The following PCDH7 variants were observed in gnomAD, a reference collection of about 807,000 sequenced individuals.
The protein encoded by PCDH7 is protocadherin 7.
A neutral mutation model predicts 58.9 loss-of-function variants in PCDH7; 17 were observed. The observed-to-expected ratio is 0.29, with a 90% confidence interval of 0.20 to 0.43. The LOEUF (loss-of-function observed/expected upper bound fraction) is 0.43. PCDH7 is among the 20% of genes least tolerant of loss of function. The pLI is 1.00. For synonymous variants in PCDH7, 664 were observed against 616.4 expected (o/e 1.08, Z -1.14); for missense variants, 1,274 against 1,441.0 (o/e 0.88, Z 1.88).
At chr4:30,786,120 A>C (rs913982022) in intron 1 of PCDH7, among the ~76,000 whole-genome samples, 2 of 152,094 alleles carry the variant, frequency 1.3e-5, no homozygotes, top group Admixed American at 1.3e-4. Context: ...GTGCTTTTAC[A>C]GTCATGACTT....
intron 1 of PCDH7, among the ~76,000 whole-genome samples, chr4:30,727,782 T>C (rs2109233411): frequency 6.6e-6 from 1 of 152,060 alleles, no homozygotes; most frequent in Admixed American, 6.5e-5. Flanking sequence ...GGTATTTTAC[T>C]ATGTGCTAAG....
chr4:31,122,909 G>T (rs542432443), intron 3 of PCDH7, among the ~76,000 whole-genome samples: 1 of 151,858 alleles, frequency 6.6e-6, no homozygotes, highest in African/African-American at 2.4e-5. Context: ...AGTCACAAAA[G>T]ATTAAGTTTC....
intron 3 of PCDH7, among the ~76,000 whole-genome samples, chr4:31,121,768 C>T (rs566630216): frequency 4.5e-4 from 68 of 152,132 alleles, no homozygotes; most frequent in African/African-American, 1.6e-3. Flanking sequence ...TTTAAAATAA[C>T]CTAATTTAGC....
intron 3 of PCDH7, among the ~76,000 whole-genome samples, chr4:31,041,946 T>C (rs1394568241): frequency 6.6e-6 from 1 of 152,182 alleles, no homozygotes; most frequent in African/African-American, 2.4e-5. Flanking sequence ...GAGAGTTGTG[T>C]GCAACAGGGG....
chr4:30,759,207 G>T (rs1365554236), intron 1 of PCDH7, among the ~76,000 whole-genome samples: 5 of 152,120 alleles, frequency 3.3e-5, no homozygotes, highest in African/African-American at 1.2e-4. Context: ...CTCCCAAAGT[G>T]CTGGGATTAC....
chr4:31,090,402 TC>T lies in PCDH7; in HGVS notation c.*8-52069del, dbSNP rs147149394. ...GATTATCCGTCACCTACGGCATTTA[TC>T]CTTTGTGTTACAAACAATCCAATTA... On this transcript the variant is annotated intron_variant, in intron 3 of 3. Transcript: ENST00000509759. Among the ~76,000 whole-genome samples, 1,393 of 152,094 alleles carry T rather than the reference TC, an allele frequency of 9.2e-3. 16 individuals carry two copies. Among genetic ancestry groups the T allele is most frequent in the South Asian group, 0.052 (251 of 4,824 alleles).
At chr4:31,124,664 T>G (rs1718086440) in intron 3 of PCDH7, among the ~76,000 whole-genome samples, 1 of 152,178 alleles carries the variant, frequency 6.6e-6, no homozygotes, top group African/African-American at 2.4e-5. Context: ...AAACTAAAAT[T>G]TCAGATATTA....
chr4:31,084,905 G>A (rs1188098210), intron 3 of PCDH7, among the ~76,000 whole-genome samples: 1 of 152,050 alleles, frequency 6.6e-6, no homozygotes, highest in Non-Finnish European at 1.5e-5. Flanking sequence ...CGTTCATGAA[G>A]GATCTGCCCC....
chr4:30,833,549 T>G (rs1257861331), intron 1 of PCDH7, among the ~76,000 whole-genome samples: 1 of 152,186 alleles, frequency 6.6e-6, no homozygotes, highest in Non-Finnish European at 1.5e-5. Flanking sequence ...TAATTCCAGC[T>G]GTCGTCTTAG....
intron 3 of PCDH7, among the ~76,000 whole-genome samples, chr4:30,970,461 A>G (rs1749482861): frequency 8.3e-6 from 1 of 120,096 alleles, no homozygotes; most frequent in Non-Finnish European, 1.6e-5. Flanking sequence ...CGCCTGGCTA[A>G]TTTTTTGTAT....
chr4:31,024,330 A>T (rs1449881894), intron 3 of PCDH7, among the ~76,000 whole-genome samples: 1 of 152,202 alleles, frequency 6.6e-6, no homozygotes, highest in Non-Finnish European at 1.5e-5. Flanking sequence ...AAACTGAGAT[A>T]CTAATATCTG....
intron 1 of PCDH7, among the ~76,000 whole-genome samples, chr4:30,860,387 A>G (rs1253947452): frequency 6.6e-6 from 1 of 151,684 alleles, no homozygotes; most frequent in African/African-American, 2.4e-5. Flanking sequence ...AGCAGAGAGG[A>G]CATTGGCAAG....
chr4:31,021,141 T>C (rs887983213), intron 3 of PCDH7, among the ~76,000 whole-genome samples: 7 of 152,210 alleles, frequency 4.6e-5, no homozygotes, highest in African/African-American at 1.7e-4. Flanking sequence ...TAAGTCTTGA[T>C]TACATTTGAC....
chr4:30,961,125 T>C (rs538740442), intron 3 of PCDH7, among the ~76,000 whole-genome samples: 1 of 152,304 alleles, frequency 6.6e-6, no homozygotes, highest in East Asian at 1.9e-4. Flanking sequence ...TCACTTATTA[T>C]TTCTTTTATG....
chr4:30,991,921 C>T lies in PCDH7; in HGVS notation c.*7+41706C>T, dbSNP rs1054490365. 9.2e-5 allele frequency among the ~76,000 whole-genome samples: 14 copies of T among 152,152 alleles called. No individual in the cohort carries two copies. In the South Asian group the frequency reaches 1.2e-3, roughly 14 times the overall value. On this transcript the variant is annotated intron_variant, in intron 3 of 3. Coordinates refer to the PCDH7 transcript ENST00000509759. ...GAATTTTACTAAATATTTGAAAAGACTTCATGCAATTATTTGGCATGGAAC... is the reference window on the plus strand; with the variant it reads ...GAATTTTACTAAATATTTGAAAAGATTTCATGCAATTATTTGGCATGGAAC...
chr4:31,013,531 A>T (rs1010182317), intron 3 of PCDH7, among the ~76,000 whole-genome samples: 47 of 150,760 alleles, frequency 3.1e-4, no homozygotes, highest in African/African-American at 1.1e-3. Flanking sequence ...ATATATGTAG[A>T]CATACTCTTT....
chr4:31,025,159 A>C (rs550375074), intron 3 of PCDH7, among the ~76,000 whole-genome samples: 11 of 152,328 alleles, frequency 7.2e-5, no homozygotes, highest in Non-Finnish European at 1.2e-4. Flanking sequence ...AATGAAACTC[A>C]CAATTCTGTG....
chr4:31,129,842 G>A (rs2109334992), intron 3 of PCDH7, among the ~76,000 whole-genome samples: 1 of 152,026 alleles, frequency 6.6e-6, no homozygotes, highest in East Asian at 1.9e-4. Context: ...TGGCCAGGCT[G>A]GTCTCAAACT....
intron 3 of PCDH7, among the ~76,000 whole-genome samples, chr4:30,983,300 G>A (rs1372176385): frequency 1.3e-5 from 2 of 151,948 alleles, no homozygotes; most frequent in African/African-American, 4.8e-5. Flanking sequence ...TTTTTAATGG[G>A]AAAAAAGTAG....
Sources: allele counts gnomAD v4.1 joint callset (sites outside exome capture counted in the v4.1 genomes callset), GRCh38; gene constraint gnomAD v4.1.1; transcripts MANE v1.5; gene names NCBI Gene and HGNC (gene_info 2026-07-23, HGNC 2026-07-21).